The following LIMK2 variants were observed in gnomAD, a reference collection of about 807,000 sequenced individuals.
LIMK2 encodes LIM domain kinase 2.
LIMK2 carries 35 observed loss-of-function variants against 75.7 expected under a neutral mutation model. The observed-to-expected ratio is 0.46, with a 90% CI of 0.35 to 0.61. The LOEUF is 0.61. Among genes scored for constraint, LIMK2 ranks in the 20% least tolerant of loss-of-function variants. The pLI is 0.00. For synonymous variants in LIMK2, 301 were observed against 319.2 expected, an observed-to-expected ratio of 0.94 and a Z score of 0.61; for missense variants, 623 against 831.0, an observed-to-expected ratio of 0.75 and a Z score of 3.08.
chr22:31,266,450 G>C (rs745994189), intron 8 of LIMK2, among the ~76,000 whole-genome samples: 32 of 152,008 alleles, frequency 2.1e-4, no homozygotes, highest in Non-Finnish European at 4.1e-4. Context: ...GGAGCACACA[G>C]GGGAATGGCT....
chr22:31,276,488 A>G (rs2049019371), intron 15 of LIMK2, among the ~76,000 whole-genome samples: 1 of 148,336 alleles, frequency 6.7e-6, no homozygotes, highest in Non-Finnish European at 1.5e-5. Flanking sequence ...CGCAGGGGAC[A>G]AAGGGCGGGC....
chr22:31,232,263 A>AC (rs2048535979), intron 2 of LIMK2, among the ~76,000 whole-genome samples: 2 of 152,010 alleles, frequency 1.3e-5, no homozygotes, highest in Middle Eastern at 3.4e-3. Context: ...GAAAAAAAAA[A>AC]AAAAAACAGT....
intron 2 of LIMK2, among the ~76,000 whole-genome samples, chr22:31,229,143 C>T (rs931156860): frequency 1.3e-4 from 20 of 152,236 alleles, no homozygotes; most frequent in Non-Finnish European, 2.5e-4. Flanking sequence ...ATATCATTCC[C>T]GTGGAGGAAG....
chr22:31,266,085 A>G lies in LIMK2; in HGVS notation c.994A>G (p.Ile332Val). 6.2e-7 allele frequency: 1 copy of G among 1,614,164 alleles called. No homozygotes were observed. The highest frequency in any genetic ancestry group is 8.5e-7 in the Non-Finnish European group (1 of 1,180,026). The change falls in exon 8 of 16, where the codon ATC becomes GTC. Residue 332 changes from isoleucine (I) to valine (V), a missense_variant. Ile to Val is a conservative substitution (Grantham distance 29, BLOSUM62 3). Coordinates refer to ENST00000331728, the MANE Select transcript of LIMK2 (RefSeq NM_005569.4). The part of the protein sequence containing the change: ...SQQIFRPCDL[I>V]HGEVLGKGFF... ...GCAGATCTTCCGGCCCTGTGACCTA[A>G]TCCATGGGGAGGTCCTGGGGAAGGG...
chr22:31,212,635 G>C (rs1376820523), intron 1 of LIMK2, among the ~76,000 whole-genome samples: 1 of 152,058 alleles, frequency 6.6e-6, no homozygotes, highest in Non-Finnish European at 1.5e-5. Flanking sequence ...AGGGCATCCT[G>C]GAGACAGAGG....
At chr22:31,265,008 A>G (rs1326525591) in intron 7 of LIMK2, among the ~76,000 whole-genome samples, 1 of 151,956 alleles carries the variant, frequency 6.6e-6, no homozygotes, top group East Asian at 1.9e-4. Context: ...CCTAGCCAAC[A>G]TGGTGAAACC....
intron 15 of LIMK2, chr22:31,276,937 C>T (rs908361495): frequency 3.1e-6 from 5 of 1,613,632 alleles, no homozygotes; most frequent in Admixed American, 1.7e-5. Context: ...GCAGCTCACG[C>T]GCCTCTACGA....
At chr22:31,256,560 G>A (rs958997841) in intron 2 of LIMK2, among the ~76,000 whole-genome samples, 2 of 151,428 alleles carry the variant, frequency 1.3e-5, no homozygotes, top group African/African-American at 2.4e-5. Context: ...GGCTGGTCTC[G>A]AACTCCTGAC....
intron 2 of LIMK2, among the ~76,000 whole-genome samples, chr22:31,227,510 C>A (rs891166352): frequency 6.6e-6 from 1 of 152,210 alleles, no homozygotes; most frequent in Non-Finnish European, 1.5e-5. Flanking sequence ...CAAGTCTTTT[C>A]TGTGGATCTT....
intron 2 of LIMK2, among the ~76,000 whole-genome samples, chr22:31,233,423 C>G (rs1177571424): frequency 6.6e-6 from 1 of 152,192 alleles, no homozygotes. Context: ...TTTTCTCTTA[C>G]CTCTCTGGTA....
rs1232201510 is a variant in LIMK2, at chr22:31,262,893, G to T, written c.854+102G>T. The T allele has an allele frequency of 4.6e-6, 5 of 1,077,508 alleles. No homozygotes were observed. Among genetic ancestry groups the T allele is most frequent in the South Asian group, 1.7e-5 (1 of 58,946 alleles). The allele number at this position is 1,077,508 out of a possible 1,614,324, so 66.7% of individuals were successfully genotyped here. Reference sequence around the variant, plus strand: ...GCAGAGTTAGGAAAGGAACCAGCTGGCCAGGGACAGACTATGAGGATTGTG... The same window carrying T: ...GCAGAGTTAGGAAAGGAACCAGCTGTCCAGGGACAGACTATGAGGATTGTG... On this transcript the variant is annotated intron_variant, in intron 7 of 15. Coordinates refer to ENST00000331728, the MANE Select transcript of LIMK2 (RefSeq NM_005569.4). This position sits in a 1 kb window ranked among gnomAD's most constrained non-coding sequence, Gnocchi z 5.0.
intron 2 of LIMK2, among the ~76,000 whole-genome samples, chr22:31,250,234 A>C (rs1027526124): frequency 6.6e-6 from 1 of 152,204 alleles, no homozygotes. Flanking sequence ...CAAGTGTTGA[A>C]GTAGCCACAT....
At chr22:31,220,272 C>A (rs566314672) in intron 1 of LIMK2, among the ~76,000 whole-genome samples, 1 of 152,260 alleles carries the variant, frequency 6.6e-6, no homozygotes, top group African/African-American at 2.4e-5. Flanking sequence ...AAACTGAGGC[C>A]AGGTTTATCC....
intron 15 of LIMK2, chr22:31,276,662 A>C (rs1354256462): frequency 9.7e-7 from 1 of 1,029,172 alleles, no homozygotes. Context: ...GAGGGGCCCC[A>C]CGCGCGCACG....
At chr22:31,273,532 C>A (rs201116779) in intron 14 of LIMK2, 25 bp downstream of exon 14, 247 of 1,605,434 alleles carry the variant, frequency 1.5e-4, no homozygotes, top group Non-Finnish European at 2.0e-4. Flanking sequence ...CAAGGCCATG[C>A]CCGAGGCAGC....
At chr22:31,254,581 A>G (rs1050993924) in intron 2 of LIMK2, among the ~76,000 whole-genome samples, 1 of 152,256 alleles carries the variant, frequency 6.6e-6, no homozygotes, top group African/African-American at 2.4e-5. Flanking sequence ...CTTCTAAGTC[A>G]GAAGGCAGGA....
At chr22:31,268,499 G>A (rs2048919786) in intron 11 of LIMK2, among the ~76,000 whole-genome samples, 1 of 152,204 alleles carries the variant, frequency 6.6e-6, no homozygotes, top group South Asian at 2.1e-4. Context: ...TTCAGGTGCT[G>A]AGGGCCCTTA....
rs767754997 is a variant in LIMK2 at position 31,275,225 on chromosome 22, C to T, written c.1689C>T (p.Phe563=). The T allele has an allele frequency of 1.2e-6, 2 of 1,614,122 alleles. No homozygotes were observed. Among genetic ancestry groups the T allele is most frequent in the Non-Finnish European group, 1.7e-6 (2 of 1,180,044 alleles). ...ACTTTGGCCTCAACGTGAAGCTTTT[C>T]TGGGAGAAGTTTGTTCCCACAGATT... ...TLDFGLNVKL[F]WEKFVPTDCP... The change falls in exon 15 of 16, where the codon TTC becomes TTT. Residue 563 remains phenylalanine (F), a synonymous_variant. Transcript: ENST00000331728.
At chr22:31,274,044 A>C (rs535325945) in intron 14 of LIMK2, among the ~76,000 whole-genome samples, 3 of 149,840 alleles carry the variant, frequency 2.0e-5, no homozygotes, top group East Asian at 2.0e-4. Flanking sequence ...GAGGCTTGGA[A>C]GAGGGCAGTG....
Sources: allele counts gnomAD v4.1 joint callset (sites outside exome capture counted in the v4.1 genomes callset), GRCh38; gene constraint gnomAD v4.1.1; non-coding constraint Gnocchi (gnomAD v3.1); transcripts MANE v1.5; gene names NCBI Gene and HGNC (gene_info 2026-07-23, HGNC 2026-07-21).